KIRREL3: variants seen among roughly 807,000 people sequenced by gnomAD.
KIRREL3 encodes kirre like nephrin family adhesion molecule 3, also known as kin of IRRE-like protein 3.
Under a neutral mutation model 89.7 loss-of-function variants are expected in KIRREL3, and 36 were observed. That is an observed-to-expected ratio of 0.40 (90% CI 0.31 to 0.53). KIRREL3 has a LOEUF of 0.53. Among genes scored for constraint, KIRREL3 ranks in the 20% least tolerant of loss-of-function variants. The probability of loss-of-function intolerance (pLI) is 0.49; values close to 1 mark genes in which losing one functional copy is unlikely to be tolerated. For missense variants in KIRREL3, 864 were observed against 1,056.6 expected (o/e 0.82, Z 2.53); for synonymous variants, 445 against 441.4 (o/e 1.01, Z -0.10).
intron 1 of KIRREL3, among the ~76,000 whole-genome samples, chr11:126,809,091 C>A (rs1012900716): frequency 6.6e-6 from 1 of 152,128 alleles, no homozygotes; most frequent in Admixed American, 6.5e-5. Context: ...GCTAGTTGTT[C>A]AGCAGTCATG....
intron 1 of KIRREL3, among the ~76,000 whole-genome samples, chr11:126,573,225 C>T (rs1051664544): frequency 6.6e-6 from 1 of 152,280 alleles, no homozygotes; most frequent in East Asian, 1.9e-4. Flanking sequence ...CGTTGCCTCG[C>T]GGGGTGGGTC....
At chr11:126,712,382 G>A (rs1305906779) in intron 1 of KIRREL3, among the ~76,000 whole-genome samples, 2 of 152,134 alleles carry the variant, frequency 1.3e-5, no homozygotes, top group Admixed American at 1.3e-4. Flanking sequence ...TGGCAGGGCC[G>A]AGCCCCTCAG....
chr11:126,502,329 C>T (rs1957889332), intron 4 of KIRREL3, among the ~76,000 whole-genome samples: 2 of 152,346 alleles, frequency 1.3e-5, no homozygotes, highest in East Asian at 3.9e-4. Flanking sequence ...TGGGACCTGT[C>T]CTGGCTGTGC....
intron 1 of KIRREL3, among the ~76,000 whole-genome samples, chr11:126,680,094 T>C (rs1449398018): frequency 1.3e-5 from 2 of 152,222 alleles, no homozygotes; most frequent in Non-Finnish European, 2.9e-5. Flanking sequence ...GCAATTGTTC[T>C]CTGAGATGAA....
intron 1 of KIRREL3, among the ~76,000 whole-genome samples, chr11:126,929,656 A>T (rs1947857693): frequency 6.6e-6 from 1 of 152,346 alleles, no homozygotes; most frequent in African/African-American, 2.4e-5. Flanking sequence ...TCCAGGAAGC[A>T]GGCTGCGGCA....
rs1305730187 is a variant in KIRREL3 at position 126,608,767 on chromosome 11, T to C, written c.56-45855A>G. The stretch of plus-strand genomic sequence containing the variant: ...CAGAGCATTGGGCCTGCTGGCAAAC[T>C]GCTAACTGGCACAGGTGACTTGCAT... On this transcript the variant is annotated intron_variant, in intron 1 of 16. Transcript: ENST00000525144. This position sits in a 1 kb window ranked among gnomAD's most constrained non-coding sequence, Gnocchi z 4.9. Among the ~76,000 whole-genome samples, 1 of 152,190 alleles carries C rather than the reference T, an allele frequency of 6.6e-6. No homozygotes were observed. The highest frequency in any genetic ancestry group is 6.5e-5 in the Admixed American group (1 of 15,280).
chr11:126,514,143 C>T (rs1441653196), intron 4 of KIRREL3, among the ~76,000 whole-genome samples: 4 of 151,896 alleles, frequency 2.6e-5, no homozygotes, highest in Non-Finnish European at 5.9e-5. Flanking sequence ...GTAGGGGGAG[C>T]GAGATGTACA....
intron 1 of KIRREL3, among the ~76,000 whole-genome samples, chr11:126,825,373 T>G (rs1028197996): frequency 2.4e-4 from 36 of 152,222 alleles, no homozygotes; most frequent in African/African-American, 8.7e-4. Flanking sequence ...GTTATTACAT[T>G]GAAATACAAT....
At position 126,562,873 on chromosome 11, in the gene KIRREL3, C is replaced by G. The variant is rs758364510; in HGVS notation, c.95G>C (p.Gly32Ala). ...CCGAAACTTGTCCTTGGCCATGTAG[C>G]CCAGCACCAGACAGCATCCTCTCTT... ...LQKRGCCLVL[G>A]YMAKDKFRRM... The change falls in exon 2 of 17, where the codon GGC (glycine) becomes GCC (alanine). Residue 32 changes from glycine to alanine, a missense_variant. Gly to Ala is a moderately conservative substitution (Grantham distance 60). Coordinates refer to ENST00000525144, the MANE Select transcript of KIRREL3 (RefSeq NM_032531.4). This position sits in a 1 kb window ranked among gnomAD's most constrained non-coding sequence, Gnocchi z 4.7. 3.1e-6 allele frequency: 5 copies of G among 1,613,848 alleles called. No individual in the cohort carries two copies. Among genetic ancestry groups the G allele is most frequent in the Non-Finnish European group, 4.2e-6 (5 of 1,179,802 alleles).
chr11:126,543,464 A>T (rs567903203), intron 2 of KIRREL3, among the ~76,000 whole-genome samples: 2 of 152,276 alleles, frequency 1.3e-5, no homozygotes, highest in East Asian at 3.9e-4. Context: ...TAACACATCC[A>T]GGGTCACAGG....
At chr11:126,823,764 AC>A (rs1218261815) in intron 1 of KIRREL3, among the ~76,000 whole-genome samples, 2 of 152,300 alleles carry the variant, frequency 1.3e-5, no homozygotes, top group Admixed American at 1.3e-4. Context: ...AGAAACAACG[AC>A]CTATCTGACA....
Position 126,462,614 on chromosome 11 carries a change from C to T in KIRREL3, c.742+543G>A, listed in dbSNP as rs1056222230. Among the ~76,000 whole-genome samples the T allele has an allele frequency of 6.6e-5, 10 of 151,950 alleles. No homozygotes were observed. Among genetic ancestry groups the T allele is most frequent in the Non-Finnish European group, 1.2e-4 (8 of 68,002 alleles). On this transcript the variant is annotated intron_variant, in intron 6 of 16. Transcript: ENST00000525144. The surrounding 1 kb of genome is among the most constrained non-coding windows in gnomAD (Gnocchi z 4.8). Reference sequence around the variant, plus strand: ...CTGGGCAGCAGAGGTTGCAGTGAGCCGAGATTGCGTCATTACACTCCAGCC... The same window carrying T: ...CTGGGCAGCAGAGGTTGCAGTGAGCTGAGATTGCGTCATTACACTCCAGCC...
Position 126,565,221 on chromosome 11 carries a change from A to G in KIRREL3, c.56-2309T>C, listed in dbSNP as rs569575327. Among the ~76,000 whole-genome samples the G allele has an allele frequency of 1.3e-5, 2 of 152,208 alleles. No homozygotes were observed. The highest frequency in any genetic ancestry group is 3.8e-4 in the East Asian group (2 of 5,202). On this transcript the variant is annotated intron_variant, in intron 1 of 16. Transcript: ENST00000525144. The surrounding 1 kb of genome is among the most constrained non-coding windows in gnomAD (Gnocchi z 5.4). ...TCTTACAGATTTAGAGAGTGTGAGC[A>G]ATCTGTTGACTCTGGATTGTCTTAG... is the stretch of plus-strand genomic sequence containing the variant.
chr11:126,936,447 G>A (rs10790859), intron 1 of KIRREL3: 68,266 of 151,734 alleles, frequency 0.45, 15,964 homozygotes, highest in East Asian at 0.7. Context: ...AAGTGTTCAC[G>A]GCAGCATTAT....
Position 126,724,291 on chromosome 11 carries a change from C to T in KIRREL3, c.56-161379G>A, listed in dbSNP as rs758879623. Among the ~76,000 whole-genome samples the T allele has an allele frequency of 3.3e-5, 5 of 152,216 alleles. No individual in the cohort carries two copies. The highest frequency in any genetic ancestry group is 7.3e-5 in the Non-Finnish European group (5 of 68,040). On this transcript the variant is annotated intron_variant, in intron 1 of 16. Transcript: ENST00000525144. This position sits in a 1 kb window ranked among gnomAD's most constrained non-coding sequence, Gnocchi z 4.3. ...GCAGGTTGGTTCATTTTCTTTCAAA[C>T]ACCTGTGCTGTAATATGCTAACCTG...
intron 1 of KIRREL3, among the ~76,000 whole-genome samples, chr11:126,789,586 T>G (rs1174283687): frequency 6.6e-6 from 1 of 152,190 alleles, no homozygotes; most frequent in Non-Finnish European, 1.5e-5. Context: ...AAAAAATTGT[T>G]TTGCCCTTGT....
rs1456508125 is a variant in KIRREL3, at chr11:126,744,001, G to T, written c.56-181089C>A. Among the ~76,000 whole-genome samples, 2 of 152,218 alleles carry T rather than the reference G, an allele frequency of 1.3e-5. No homozygotes were observed. The highest frequency in any genetic ancestry group is 2.4e-5 in the African/African-American group (1 of 41,466). The stretch of plus-strand genomic sequence containing the variant: ...GCTTCATCAGGATGGCCTCATGGAA[G>T]AGGTGACATTAGATTTGGGCCTTAG... On this transcript the variant is annotated intron_variant, in intron 1 of 16. Coordinates refer to ENST00000525144, the MANE Select transcript of KIRREL3 (RefSeq NM_032531.4). The surrounding 1 kb of genome is among the most constrained non-coding windows in gnomAD (Gnocchi z 4.7).
chr11:126,803,463 AAAT>A (rs959131082), intron 1 of KIRREL3, among the ~76,000 whole-genome samples: 1 of 152,196 alleles, frequency 6.6e-6, no homozygotes, highest in African/African-American at 2.4e-5. Context: ...CCAAAGAAAA[AAAT>A]ATATATTCTC....
rs538093339 is a variant in KIRREL3, at chr11:126,724,801, G to A, written c.56-161889C>T. 3.3e-5 allele frequency among the ~76,000 whole-genome samples: 5 copies of A among 152,292 alleles called. No homozygotes were observed. The South Asian group carries it at 6.2e-4, about 19-fold the overall frequency. On this transcript the variant is annotated intron_variant, in intron 1 of 16. Coordinates refer to ENST00000525144, the MANE Select transcript of KIRREL3 (RefSeq NM_032531.4). The surrounding 1 kb of genome is among the most constrained non-coding windows in gnomAD (Gnocchi z 4.3). ...TCAGGATTATTAGACCTGCCTATGGGCCAAGGGTTCTTACTAATAGATTTT... is the reference window on the plus strand; with the variant it reads ...TCAGGATTATTAGACCTGCCTATGGACCAAGGGTTCTTACTAATAGATTTT...
Sources: gnomAD v4.1 joint callset for allele counts (sites outside exome capture counted in the v4.1 genomes callset) on GRCh38, gnomAD v4.1.1 for gene constraint, Gnocchi (gnomAD v3.1) non-coding constraint, MANE v1.5 for transcripts, NCBI Gene and HGNC (gene_info 2026-07-23, HGNC 2026-07-21) for gene names.